The following SLC51A variants were observed in gnomAD, a reference collection of about 807,000 sequenced individuals.
SLC51A encodes solute carrier family 51 member A.
In SLC51A, 22 loss-of-function variants were observed where a neutral mutation model predicts 34.8. The observed-to-expected ratio is 0.63, with a 90% CI of 0.45 to 0.90. The LOEUF (loss-of-function observed/expected upper bound fraction) is 0.90, where lower values mean the gene tolerates loss of function less well. Among genes scored for constraint, SLC51A ranks in the 40% least tolerant of loss-of-function variants. The pLI is 0.00. For synonymous variants in SLC51A, 181 were observed against 176.3 expected (o/e 1.03, Z -0.21); for missense variants, 371 against 414.8 (o/e 0.89, Z 0.92).
intron 2 of SLC51A, among the ~76,000 whole-genome samples, 192 bp from the exon 3 acceptor site, chr3:196,226,773 T>TAAAAAAAA (rs780868037): frequency 1.4e-4 from 15 of 107,568 alleles, no homozygotes; most frequent in African/African-American, 5.4e-4. Context: ...GGCTCCGTCT[T>TAAAAAAAA]AAAAAAAAAA....
chr3:196,221,405 T>C (rs2108753754), intron 2 of SLC51A, among the ~76,000 whole-genome samples: 1 of 152,078 alleles, frequency 6.6e-6, no homozygotes, highest in Non-Finnish European at 1.5e-5. Context: ...TAGCTGGGAC[T>C]GCAGGCACAC....
Position 196,233,263 on chromosome 3 carries a change from C to T in SLC51A, c.*64C>T, listed in dbSNP as rs1724067809. On this transcript the variant is annotated 3_prime_UTR_variant, in exon 9 of 9. Transcript: ENST00000296327. ...TAGAATACAAGATTCCTTTACTGTCCCTCAACCTTGACCAAATGGGAAGCA... is the reference window on the plus strand; with the variant it reads ...TAGAATACAAGATTCCTTTACTGTCTCTCAACCTTGACCAAATGGGAAGCA... 4 of 1,562,262 alleles carry T rather than the reference C, an allele frequency of 2.6e-6. No individual in the cohort carries two copies. The highest frequency in any genetic ancestry group is 2.3e-5 in the East Asian group (1 of 44,254).
At chr3:196,227,893 C>T in intron 4 of SLC51A, 156 bp downstream of exon 4, 1 of 918,246 alleles carries the variant, frequency 1.1e-6, no homozygotes, top group Non-Finnish European at 1.6e-6. Flanking sequence ...TCAGGGAATG[C>T]CTCATTTTGG....
rs571326391 is a variant in SLC51A at position 196,218,965 on chromosome 3, C to T, written c.133+1029C>T. 6.0e-4 allele frequency among the ~76,000 whole-genome samples: 92 copies of T among 152,304 alleles called. 1 individual carries two copies. The highest frequency in any genetic ancestry group is 2.1e-3 in the African/African-American group (89 of 41,566). ...CATTGGCTGGGAGCGGTGGCTCACG[C>T]CTGTAATCCCTGCACTTTGGGAGGC... On this transcript the variant is annotated intron_variant, in intron 2 of 8. Coordinates refer to ENST00000296327, the MANE Select transcript of SLC51A (RefSeq NM_152672.6).
chr3:196,218,228 T>G (rs982235742), intron 2 of SLC51A, among the ~76,000 whole-genome samples: 2 of 152,204 alleles, frequency 1.3e-5, no homozygotes, highest in African/African-American at 4.8e-5. Context: ...GGGCGCTTTT[T>G]CAGACCCCAG....
At chr3:196,225,290 T>A (rs1392352193) in intron 2 of SLC51A, among the ~76,000 whole-genome samples, 1 of 152,104 alleles carries the variant, frequency 6.6e-6, no homozygotes, top group Non-Finnish European at 1.5e-5. Flanking sequence ...CAGCGTATTT[T>A]TTGACAAATT....
At chr3:196,217,806 C>A in intron 1 of SLC51A, 36 bp from the exon 2 acceptor site, 1 of 1,594,106 alleles carries the variant, frequency 6.3e-7, no homozygotes, top group Non-Finnish European at 8.6e-7. Context: ...TTCCCCCAGC[C>A]CCCATGGTTC....
At chr3:196,232,909 C>G (rs1022637582) in intron 8 of SLC51A, 154 bp from the exon 9 acceptor site, 5 of 771,846 alleles carry the variant, frequency 6.5e-6, no homozygotes, top group African/African-American at 5.2e-5. Context: ...CTACCATTAA[C>G]CCGCTGTGTT....
rs1025862216 is a variant in SLC51A at position 196,216,982 on chromosome 3, CG to C, written c.38+237del. 4.6e-5 allele frequency among the ~76,000 whole-genome samples: 7 copies of C among 152,196 alleles called. No homozygotes were observed. Among genetic ancestry groups the C allele is most frequent in the Non-Finnish European group, 1.0e-4 (7 of 68,028 alleles). On this transcript the variant is annotated intron_variant, in intron 1 of 8. Transcript: ENST00000296327. This position sits in a 1 kb window ranked among gnomAD's most constrained non-coding sequence, Gnocchi z 4.5. ...GCGTGGGGAGAGAAAGGTCGCAGAG[CG>C]GGGGCTGTGGAAGGCATTCGCAGAG...
Position 196,228,918 on chromosome 3 carries a change from G to T in SLC51A, c.631G>T (p.Asp211Tyr). ...CCCCGACGGCATCTATGACCCAGCA[G>T]ACGTAAGCCGGGAGTAAGGGACAGC... ...LVPDGIYDPA[D>Y]ISEGSTALWI... The change falls in exon 6 of 9, where the codon GAC becomes TAC. Residue 211 changes from aspartate (D) to tyrosine (Y), a missense_variant and splice_region_variant. Coordinates refer to ENST00000296327, the MANE Select transcript of SLC51A (RefSeq NM_152672.6). This position sits in a 1 kb window ranked among gnomAD's most constrained non-coding sequence, Gnocchi z 4.9. 6.2e-7 allele frequency: 1 copy of T among 1,612,284 alleles called. No individual in the cohort carries two copies. Among genetic ancestry groups the T allele is most frequent in the Non-Finnish European group, 8.5e-7 (1 of 1,178,282 alleles).
At chr3:196,217,720 G>C in intron 1 of SLC51A, 122 bp from the exon 2 acceptor site, 1 of 663,408 alleles carries the variant, frequency 1.5e-6, no homozygotes, top group Non-Finnish European at 2.6e-6. Context: ...GAAAGAGAGA[G>C]AAAGAGGCCC....
At chr3:196,225,308 A>T (rs1222135067) in intron 2 of SLC51A, among the ~76,000 whole-genome samples, 3 of 152,090 alleles carry the variant, frequency 2.0e-5, no homozygotes, top group African/African-American at 7.2e-5. Context: ...ATTCACCCAT[A>T]GTCCTGGTTG....
rs779232895 is a variant in SLC51A, at chr3:196,228,799, C to G, written c.522-10C>G. ...GTGGGCCCATGTTCCTAACCCTCTT[C>G]CCCACTCAGGAAGAAGCTTCAGCTG... is the stretch of plus-strand genomic sequence containing the variant. On this transcript the variant is annotated splice_polypyrimidine_tract_variant and intron_variant, in intron 5 of 8. Coordinates refer to ENST00000296327, the MANE Select transcript of SLC51A (RefSeq NM_152672.6). The surrounding 1 kb of genome is among the most constrained non-coding windows in gnomAD (Gnocchi z 4.9). 6.2e-7 allele frequency: 1 copy of G among 1,612,138 alleles called. No individual in the cohort carries two copies. Among genetic ancestry groups the G allele is most frequent in the African/African-American group, 1.3e-5 (1 of 74,886 alleles).
At chr3:196,226,277 A>T (rs894193239) in intron 2 of SLC51A, among the ~76,000 whole-genome samples, 3 of 152,088 alleles carry the variant, frequency 2.0e-5, no homozygotes, top group Non-Finnish European at 4.4e-5. Context: ...AGCCATGATC[A>T]CACCACTGCC....
intron 2 of SLC51A, among the ~76,000 whole-genome samples, chr3:196,221,861 G>A (rs943475852): frequency 1.4e-4 from 21 of 151,798 alleles, no homozygotes; most frequent in Non-Finnish European, 2.2e-4. Context: ...GACTACAGGC[G>A]CCCGCCACCA....
intron 2 of SLC51A, 135 bp from the exon 3 acceptor site, chr3:196,226,830 C>CTA: frequency 1.5e-6 from 1 of 647,964 alleles, no homozygotes; most frequent in Non-Finnish European, 2.5e-6. Flanking sequence ...GTTGAATACT[C>CTA]TAGGTCTAAA....
In SLC51A at chr3:196,227,018, G is replaced by A. The variant is rs1386653445; in HGVS notation, c.187G>A (p.Gly63Ser). ...LTSILTLLAL[G>S]SIAIFLEDAV... ...TAGCATCCTGACCTTGCTGGCGCTG[G>A]GCTCCATTGCCATCTTCCTGGAGGA... is the stretch of plus-strand genomic sequence containing the variant. Residue 63 changes from glycine (G) to serine (S), a missense_variant, in exon 3 of 9, where the codon GGC becomes AGC. Gly to Ser is a moderately conservative substitution (Grantham distance 56, BLOSUM62 0). Transcript: ENST00000296327. 6 of 1,613,930 alleles carry A rather than the reference G, an allele frequency of 3.7e-6. No homozygotes were observed. The East Asian group carries it at 1.3e-4, about 36-fold the overall frequency.
At chr3:196,232,719 C>A in intron 8 of SLC51A, 195 bp downstream of exon 8, 1 of 599,474 alleles carries the variant, frequency 1.7e-6, no homozygotes, top group Non-Finnish European at 2.9e-6. Context: ...AGTGAAACCC[C>A]ACAGCTTGAG....
chr3:196,222,740 A>G (rs990526739), intron 2 of SLC51A, among the ~76,000 whole-genome samples: 1 of 151,832 alleles, frequency 6.6e-6, no homozygotes, highest in Non-Finnish European at 1.5e-5. Flanking sequence ...GCTCTGCAGG[A>G]ATCATCACAT....
Sources: gnomAD v4.1 joint callset for allele counts (sites outside exome capture counted in the v4.1 genomes callset) on GRCh38, gnomAD v4.1.1 for gene constraint, Gnocchi (gnomAD v3.1) non-coding constraint, MANE v1.5 for transcripts, NCBI Gene and HGNC (gene_info 2026-07-23, HGNC 2026-07-21) for gene names.